Variants in EYS observed in about 807,000 individuals in gnomAD.
EYS encodes EGF-like photoreceptor maintenance factor.
In EYS, 250 loss-of-function variants were observed where a neutral mutation model predicts 282.1. That is an observed-to-expected ratio of 0.89 (90% CI 0.80 to 0.98). The LOEUF is 0.98. Among genes scored for constraint, EYS ranks in the 50% least tolerant of loss-of-function variants. The pLI, the probability that EYS is intolerant of heterozygous loss-of-function variation, is 0.00. For missense variants in EYS, 4,016 were observed against 3,709.0 expected (o/e 1.08, Z -2.15); for synonymous variants, 1,355 against 1,282.9 (o/e 1.06, Z -1.20).
chr6:64,757,734 CT>C (rs1398523621), intron 22 of EYS, among the ~76,000 whole-genome samples: 4 of 106,840 alleles, frequency 3.7e-5, no homozygotes, highest in Non-Finnish European at 8.6e-5. Flanking sequence ...AATTTTTTTT[CT>C]TTTTTTCTTT....
intron 30 of EYS, among the ~76,000 whole-genome samples, chr6:64,245,886 G>A (rs1160355558): frequency 6.6e-6 from 1 of 151,710 alleles, no homozygotes; most frequent in Non-Finnish European, 1.5e-5. Context: ...GGGCATGGTG[G>A]CGCACGCCTG....
intron 33 of EYS, among the ~76,000 whole-genome samples, chr6:64,025,983 C>T (rs1472719308): frequency 6.6e-6 from 1 of 152,224 alleles, no homozygotes; most frequent in Non-Finnish European, 1.5e-5. Context: ...GTCTAGGGGA[C>T]AGGCAAGGGT....
chr6:65,018,009 T>A (rs1330136491), intron 13 of EYS, among the ~76,000 whole-genome samples: 2 of 152,302 alleles, frequency 1.3e-5, no homozygotes, highest in East Asian at 3.9e-4. Context: ...CAAGTTTGTC[T>A]AATGACAGGT....
At chr6:64,178,264 G>A (rs988977001) in intron 31 of EYS, among the ~76,000 whole-genome samples, 3 of 151,948 alleles carry the variant, frequency 2.0e-5, no homozygotes, top group Non-Finnish European at 2.9e-5. Flanking sequence ...ACAAAATTAG[G>A]GATCTTCAAT....
At chr6:65,272,241 C>A (rs936196823) in intron 12 of EYS, among the ~76,000 whole-genome samples, 3 of 152,146 alleles carry the variant, frequency 2.0e-5, no homozygotes, top group Non-Finnish European at 4.4e-5. Context: ...ATTTATTTAT[C>A]TCTATTGCCA....
chr6:65,445,510 GCCCT>G (rs1198155395), intron 5 of EYS, among the ~76,000 whole-genome samples: 1 of 151,396 alleles, frequency 6.6e-6, no homozygotes, highest in East Asian at 1.9e-4. Context: ...TAAACTTGTA[GCCCT>G]TTTTGGATCT....
chr6:65,446,489 C>A (rs990326794), intron 5 of EYS, among the ~76,000 whole-genome samples: 1 of 151,758 alleles, frequency 6.6e-6, no homozygotes, highest in Non-Finnish European at 1.5e-5. Flanking sequence ...GACTTTGATT[C>A]ATTGCTGTGT....
intron 2 of EYS, among the ~76,000 whole-genome samples, chr6:65,627,467 C>T (rs1766749077): frequency 1.3e-5 from 2 of 152,220 alleles, no homozygotes; most frequent in South Asian, 4.1e-4. Flanking sequence ...ACTGTGGGAG[C>T]CCCTTTCTGG....
chr6:64,238,373 A>G (rs1387136001), intron 30 of EYS, among the ~76,000 whole-genome samples: 2 of 152,132 alleles, frequency 1.3e-5, no homozygotes, highest in Non-Finnish European at 1.5e-5. Flanking sequence ...CTCATGCCAG[A>G]GTACAGAGGG....
In EYS at chr6:65,301,262, G is replaced by A. The variant is rs539042510; in HGVS notation, c.1767-5143C>T. Among the ~76,000 whole-genome samples, 1,148 of 152,042 alleles carry A rather than the reference G, an allele frequency of 7.6e-3. 6 individuals carry two copies. Among genetic ancestry groups the A allele is most frequent in the Non-Finnish European group, 0.012 (815 of 68,016 alleles). On this transcript the variant is annotated intron_variant, in intron 11 of 42. Coordinates refer to ENST00000503581, the MANE Select transcript of EYS (RefSeq NM_001142800.2). Reference sequence around the variant, plus strand: ...TGTAATCCCAGCACTTTGGGAGGCCGAGGCGGGCAGATCACGAGGTCAGGA... The same window carrying A: ...TGTAATCCCAGCACTTTGGGAGGCCAAGGCGGGCAGATCACGAGGTCAGGA...
At chr6:65,562,997 T>C (rs1769124583) in intron 2 of EYS, among the ~76,000 whole-genome samples, 1 of 152,116 alleles carries the variant, frequency 6.6e-6, no homozygotes, top group African/African-American at 2.4e-5. Flanking sequence ...CAGTGAGCCA[T>C]GTAGTACCAC....
At chr6:65,545,218 T>C (rs1035509809) in intron 2 of EYS, among the ~76,000 whole-genome samples, 2 of 135,692 alleles carry the variant, frequency 1.5e-5, no homozygotes, top group African/African-American at 5.8e-5. Context: ...CCACTGTTCC[T>C]GGCCTAGATT....
intron 26 of EYS, among the ~76,000 whole-genome samples, chr6:64,537,619 T>C (rs1582868085): frequency 1.3e-5 from 2 of 152,338 alleles, no homozygotes; most frequent in Middle Eastern, 3.4e-3. Flanking sequence ...AAGTTACTTA[T>C]TAGACTTCCA....
At chr6:63,905,653 A>AATTTAATAG (rs1040578482) in intron 35 of EYS, among the ~76,000 whole-genome samples, 4 of 152,112 alleles carry the variant, frequency 2.6e-5, no homozygotes, top group Non-Finnish European at 4.4e-5. Flanking sequence ...TCAGGAGTAA[A>AATTTAATAG]ATTTAATAGA....
At chr6:64,739,910 T>C (rs1271141102) in intron 22 of EYS, among the ~76,000 whole-genome samples, 1 of 152,168 alleles carries the variant, frequency 6.6e-6, no homozygotes, top group East Asian at 1.9e-4. Flanking sequence ...ATAATGTTTT[T>C]AAACTCTTAT....
chr6:65,400,833 C>A (rs1444227589), intron 7 of EYS, among the ~76,000 whole-genome samples: 1 of 151,616 alleles, frequency 6.6e-6, no homozygotes, highest in African/African-American at 2.4e-5. Context: ...TTTTTTTTCT[C>A]CCAAATTCAG....
At chr6:65,443,503 AT>A (rs779980158) in intron 5 of EYS, among the ~76,000 whole-genome samples, 35 of 151,914 alleles carry the variant, frequency 2.3e-4, no homozygotes, top group Admixed American at 5.9e-4. Flanking sequence ...ATATACTTAT[AT>A]GTATAGACAC....
intron 14 of EYS, among the ~76,000 whole-genome samples, chr6:64,948,013 A>G (rs1233968538): frequency 1.3e-5 from 2 of 151,848 alleles, no homozygotes; most frequent in Non-Finnish European, 2.9e-5. Flanking sequence ...TATTAAATTC[A>G]TATATTTCTT....
intron 2 of EYS, among the ~76,000 whole-genome samples, chr6:65,522,420 G>A (rs900128572): frequency 6.6e-6 from 1 of 152,132 alleles, no homozygotes; most frequent in East Asian, 1.9e-4. Context: ...GGGTAATGAA[G>A]TGAGACACTG....
Sources: allele counts gnomAD v4.1 joint callset (sites outside exome capture counted in the v4.1 genomes callset), GRCh38; gene constraint gnomAD v4.1.1; transcripts MANE v1.5; gene names NCBI Gene and HGNC (gene_info 2026-07-23, HGNC 2026-07-21).